The following DCAF13 variants were observed in gnomAD, a reference collection of about 807,000 sequenced individuals.
DCAF13 encodes the protein DDB1 and CUL4 associated factor 13, also known as DDB1- and CUL4-associated factor 13.
A neutral mutation model predicts 59.0 loss-of-function variants in DCAF13; 38 were observed. The ratio of observed to expected loss-of-function variants is 0.64; its 90% confidence interval spans 0.50 to 0.84. The LOEUF is 0.84. DCAF13 is among the 40% of genes least tolerant of loss of function. The probability of loss-of-function intolerance (pLI) is 0.00; values close to 1 mark genes in which losing one functional copy is unlikely to be tolerated. For missense variants in DCAF13, 469 were observed against 558.4 expected (o/e 0.84, Z 1.61); for synonymous variants, 173 against 175.0 (o/e 0.99, Z 0.09).
At chr8:103,432,216 CA>C (rs1326639771) in intron 6 of DCAF13, among the ~76,000 whole-genome samples, 6 of 152,116 alleles carry the variant, frequency 3.9e-5, no homozygotes, top group Non-Finnish European at 1.5e-5. Context: ...TCATACACAA[CA>C]AAAGATAATC....
At chr8:103,422,517 A>T (rs900309975) in intron 3 of DCAF13, among the ~76,000 whole-genome samples, 1 of 152,224 alleles carries the variant, frequency 6.6e-6, no homozygotes, top group African/African-American at 2.4e-5. Flanking sequence ...ATAGTGTCCT[A>T]GGAGGAAGGA....
At chr8:103,435,815 T>C (rs1328825914) in intron 8 of DCAF13, 25 bp downstream of exon 8, 1 of 1,608,806 alleles carries the variant, frequency 6.2e-7, no homozygotes, top group South Asian at 1.1e-5. Flanking sequence ...GTAAGCCATT[T>C]ATATTCATAT....
At chr8:103,419,667 G>A (rs1298058102) in intron 1 of DCAF13, among the ~76,000 whole-genome samples, 1 of 152,154 alleles carries the variant, frequency 6.6e-6, no homozygotes, top group Admixed American at 6.5e-5. Context: ...AAGTGTATTG[G>A]AAGCCCTGAC....
Position 103,427,179 on chromosome 8 carries a change from A to G in DCAF13, c.551A>G (p.Gln184Arg). 1 of 1,613,722 alleles carries G rather than the reference A, an allele frequency of 6.2e-7. No individual in the cohort carries two copies. ...CGQQVDIWDE[Q>R]RTNPICSMTW... ...CAGCAAGTAGACATTTGGGATGAACAAAGAACTAATCCTATATGTTCAATG... is the reference window on the plus strand; with the variant it reads ...CAGCAAGTAGACATTTGGGATGAACGAAGAACTAATCCTATATGTTCAATG... Residue 184 changes from glutamine (Q) to arginine (R), a missense_variant, in exon 5 of 11, where the codon CAA becomes CGA. By Grantham distance (43) the Gln-to-Arg change is conservative (BLOSUM62 1). Coordinates refer to ENST00000612750, the MANE Select transcript of DCAF13 (RefSeq NM_015420.7).
chr8:103,430,331 G>A (rs1034273697), intron 5 of DCAF13: 4 of 187,162 alleles, frequency 2.1e-5, no homozygotes, highest in African/African-American at 4.7e-5. Flanking sequence ...GGTAGAGGTT[G>A]CAGTGAGCCA....
Position 103,417,845 on chromosome 8 carries a change from C to T in DCAF13, c.70+2329C>T, listed in dbSNP as rs571105642. On this transcript the variant is annotated intron_variant, in intron 1 of 10. Transcript: ENST00000612750. ...TTAAGATGACATCTGATAGGCTGGG[C>T]GCAGTGGCTCACGCCTGTAATCCCA... 5.3e-5 allele frequency among the ~76,000 whole-genome samples: 8 copies of T among 151,972 alleles called. No individual in the cohort carries two copies. The South Asian group carries it at 6.2e-4, about 12-fold the overall frequency.
At position 103,415,450 on chromosome 8, in the gene DCAF13, A is replaced by G; in HGVS notation, c.4A>G (p.Lys2Glu). Residue 2 changes from lysine (K) to glutamate (E), a missense_variant, in exon 1 of 11, where the codon AAG (lysine) becomes GAG (glutamate). Lys to Glu is a moderately conservative substitution (Grantham distance 56, BLOSUM62 1). Around this residue, in one of 3 missense-constraint regions of DCAF13, gnomAD observed 355 missense variants for 399.1 expected, o/e 0.89. Coordinates refer to ENST00000612750, the MANE Select transcript of DCAF13 (RefSeq NM_015420.7). ...TCCGGCCGGAAGAGCAACCGAGATG[A>G]AGGTGAAGATGCTGAGCCGGAATCC... M[K>E]VKMLSRNPDN... is the part of the protein sequence containing the mutation. 2 of 1,614,064 alleles carry G rather than the reference A, an allele frequency of 1.2e-6. No individual in the cohort carries two copies. Among genetic ancestry groups the G allele is most frequent in the Non-Finnish European group, 1.7e-6 (2 of 1,179,986 alleles).
At chr8:103,430,431 T>C in intron 5 of DCAF13, 181 bp from the exon 6 acceptor site, 1 of 448,348 alleles carries the variant, frequency 2.2e-6, no homozygotes, top group South Asian at 4.3e-5. Flanking sequence ...AGCATGAGGA[T>C]TTTACAGTGA....
At chr8:103,434,486 TGTAAAGCA>T (rs1404023563) in intron 7 of DCAF13, among the ~76,000 whole-genome samples, 5 of 152,132 alleles carry the variant, frequency 3.3e-5, no homozygotes, top group Non-Finnish European at 7.4e-5. Flanking sequence ...AGGCAGGAAC[TGTAAAGCA>T]GTTGTCAATG....
At chr8:103,441,387 T>G in intron 9 of DCAF13, 68 bp from the exon 10 acceptor site, 5 of 1,448,520 alleles carry the variant, frequency 3.5e-6, no homozygotes, top group Non-Finnish European at 4.6e-6. Context: ...AAAGGGTGCT[T>G]TCTAGCTTTT....
intron 1 of DCAF13, among the ~76,000 whole-genome samples, chr8:103,418,844 A>ATTTATATATATATATATATT: frequency 6.5e-5 from 1 of 15,396 alleles, no homozygotes; most frequent in African/African-American, 2.9e-4. Context: ...ATATATATAT[A>ATTTATATATATATATATATT]TATATATATA....
At chr8:103,418,866 A>ATATATATT (rs1563724113) in intron 1 of DCAF13, among the ~76,000 whole-genome samples, 1 of 38,430 alleles carries the variant, frequency 2.6e-5, no homozygotes, top group Non-Finnish European at 4.8e-5. Context: ...ATATATATAT[A>ATATATATT]TTTTTTTTTT....
chr8:103,429,484 T>A (rs1161139996), intron 5 of DCAF13: 3 of 152,150 alleles, frequency 2.0e-5, no homozygotes, highest in Admixed American at 6.5e-5. Flanking sequence ...CCAATAGTTG[T>A]GAGTGTCAGG....
chr8:103,425,914 A>T (rs1816785272), intron 3 of DCAF13, 142 bp from the exon 4 acceptor site: 1 of 618,034 alleles, frequency 1.6e-6, no homozygotes, highest in Non-Finnish European at 3.0e-6. Flanking sequence ...AAGGTGGGAT[A>T]TAAATGGATC....
rs570619078 is a variant in DCAF13 at position 103,432,782 on chromosome 8, G to T, written c.785+41G>T. The T allele has an allele frequency of 7.8e-5, 94 of 1,203,524 alleles. No individual in the cohort carries two copies. The East Asian group carries it at 2.1e-3, about 26-fold the overall frequency. The allele number at this position is 1,203,524 out of a possible 1,614,324, so 74.6% of individuals were successfully genotyped here. On this transcript the variant is annotated intron_variant, in intron 7 of 10. Coordinates refer to ENST00000612750, the MANE Select transcript of DCAF13 (RefSeq NM_015420.7). ...TTAAAAACTTGTGTATTTCTATCAT[G>T]AATGGCTTAATTGTATAAGTCGTAC...
Position 103,426,083 on chromosome 8 carries a change from T to TA in DCAF13, c.406_407insA (p.Trp136Ter), listed in dbSNP as rs1816788771. ...TGGTGATGACAAAACTGTGAAGCAG[T>TA]GGAAAATGGATGGGCCAGGCTATGG... is the stretch of plus-strand genomic sequence containing the variant. ...TVGDDKTVKQWKMDGPGYGDE... is the reference protein window; with the variant it reads ...TVGDDKTVKQ Residue 136 changes from tryptophan to a stop codon, truncating the protein, a stop_gained and frameshift_variant, in exon 4 of 11, where the codon TGG becomes TAGG. Coordinates refer to ENST00000612750, the MANE Select transcript of DCAF13 (RefSeq NM_015420.7). LOFTEE classifies it high-confidence loss of function. 1.2e-6 allele frequency: 2 copies of TA among 1,612,634 alleles called. No homozygotes were observed. The highest frequency in any genetic ancestry group is 2.7e-5 in the African/African-American group (2 of 74,852).
chr8:103,419,394 T>A (rs1426356264), intron 1 of DCAF13, among the ~76,000 whole-genome samples: 1 of 152,134 alleles, frequency 6.6e-6, no homozygotes, highest in Non-Finnish European at 1.5e-5. Flanking sequence ...GATTAAACGG[T>A]TAAGGTTTTT....
rs535344893 is a variant in DCAF13, at chr8:103,427,961, T to G, written c.624+709T>G. The G allele has an allele frequency of 3.9e-5, 6 of 152,318 alleles. No individual in the cohort carries two copies. The South Asian group carries it at 1.2e-3, about 32-fold the overall frequency. The allele number at this position is 152,318 out of a possible 1,614,324, so 9.4% of individuals were successfully genotyped here. ...TCCAGAAGACTCAGTAGGGATATGT[T>G]TTTCCTGTTGAAAGAAAAGGCAATC... On this transcript the variant is annotated intron_variant, in intron 5 of 10. Transcript: ENST00000612750.
At chr8:103,418,402 C>G (rs1816658718) in intron 1 of DCAF13, among the ~76,000 whole-genome samples, 1 of 151,742 alleles carries the variant, frequency 6.6e-6, no homozygotes, top group South Asian at 2.1e-4. Context: ...TGCCTCAGGT[C>G]CAAGCTACTT....
Sources: allele counts gnomAD v4.1 joint callset (sites outside exome capture counted in the v4.1 genomes callset), GRCh38; gene constraint gnomAD v4.1.1; regional missense constraint gnomAD v4.1.1; transcripts MANE v1.5; gene names NCBI Gene and HGNC (gene_info 2026-07-23, HGNC 2026-07-21).